The following TRIO variants were observed in gnomAD, a reference collection of about 807,000 sequenced individuals.
TRIO encodes the protein trio Rho guanine nucleotide exchange factor, also known as triple functional domain protein.
TRIO carries 58 observed loss-of-function variants against 351.9 expected under a neutral mutation model. That is an observed-to-expected ratio of 0.16 (90% CI 0.13 to 0.21). The LOEUF (loss-of-function observed/expected upper bound fraction) is 0.21, where lower values mean the gene tolerates loss of function less well. Ranked by LOEUF, TRIO falls within the 10% of genes least tolerant of loss-of-function variation. The probability of loss-of-function intolerance (pLI) is 1.00; values close to 1 mark genes in which losing one functional copy is unlikely to be tolerated. For synonymous variants in TRIO, 1,758 were observed against 1,595.7 expected, an observed-to-expected ratio of 1.10 and a Z score of -2.42; for missense variants, 3,201 against 4,027.8, an observed-to-expected ratio of 0.79 and a Z score of 5.56.
Position 14,507,159 on chromosome 5 carries a change from T to A in TRIO, c.8650T>A (p.Trp2884Arg). ...TCGCCTCCTGGACTGCGTGGTGCGATGGGGAAGCCTCACTGAAGGGAAGAT... is the reference window on the plus strand; with the variant it reads ...TCGCCTCCTGGACTGCGTGGTGCGAAGGGGAAGCCTCACTGAAGGGAAGAT... ...QGRLLDCVVR[W>R]GSLTEGKIRA... The change falls in exon 56 of 57, where the codon TGG becomes AGG. Residue 2884 changes from tryptophan (W) to arginine (R), a missense_variant. Coordinates refer to ENST00000344204, the MANE Select transcript of TRIO (RefSeq NM_007118.4). 3.1e-6 allele frequency: 5 copies of A among 1,612,110 alleles called. No individual in the cohort carries two copies. The highest frequency in any genetic ancestry group is 4.2e-6 in the Non-Finnish European group (5 of 1,179,542).
intron 1 of TRIO, among the ~76,000 whole-genome samples, chr5:14,164,686 A>G (rs541494208): frequency 1.3e-5 from 2 of 152,260 alleles, no homozygotes; most frequent in African/African-American, 4.8e-5. Context: ...GGAAATGTAA[A>G]CTTTTACCTT....
intron 9 of TRIO, among the ~76,000 whole-genome samples, chr5:14,326,883 G>C (rs954883097): frequency 6.6e-6 from 1 of 152,166 alleles, no homozygotes; most frequent in Non-Finnish European, 1.5e-5. Context: ...GCCTCATGGG[G>C]AGTTTGGTTT....
chr5:14,326,240 G>C (rs1740370762), intron 9 of TRIO, among the ~76,000 whole-genome samples: 1 of 152,224 alleles, frequency 6.6e-6, no homozygotes, highest in African/African-American at 2.4e-5. Flanking sequence ...CAGGTGCTCA[G>C]ATGGCGAGAT....
rs188531618 is a variant in TRIO, at chr5:14,506,063, G to A, written c.8613-1059G>A. ...GAAGAGCCGAGCCGACATCCAAGCCGAGGCCTGGCCTGGGAGCCTCAGGAC... is the reference window on the plus strand; with the variant it reads ...GAAGAGCCGAGCCGACATCCAAGCCAAGGCCTGGCCTGGGAGCCTCAGGAC... On this transcript the variant is annotated intron_variant, in intron 55 of 56. Coordinates refer to ENST00000344204, the MANE Select transcript of TRIO (RefSeq NM_007118.4). Among the ~76,000 whole-genome samples the A allele has an allele frequency of 6.2e-3, 939 of 152,304 alleles. 10 individuals are homozygous for A. The highest frequency in any genetic ancestry group is 0.021 in the African/African-American group (886 of 41,582).
intron 2 of TRIO, among the ~76,000 whole-genome samples, chr5:14,274,347 G>T (rs1428912935): frequency 6.6e-6 from 1 of 152,156 alleles, no homozygotes; most frequent in Non-Finnish European, 1.5e-5. Flanking sequence ...ATTTCTTGCA[G>T]ACTAGGAGTT....
At chr5:14,435,549 T>G (rs1751512755) in intron 34 of TRIO, among the ~76,000 whole-genome samples, 1 of 152,264 alleles carries the variant, frequency 6.6e-6, no homozygotes, top group Non-Finnish European at 1.5e-5. Context: ...AATTTTGGCA[T>G]CCCTCAGTAG....
chr5:14,209,576 G>A (rs1248722327), intron 1 of TRIO, among the ~76,000 whole-genome samples: 1 of 152,164 alleles, frequency 6.6e-6, no homozygotes, highest in Non-Finnish European at 1.5e-5. Flanking sequence ...GTGGTTGATA[G>A]TGGGTCACTT....
At chr5:14,214,013 A>T (rs1792070065) in intron 1 of TRIO, among the ~76,000 whole-genome samples, 1 of 152,246 alleles carries the variant, frequency 6.6e-6, no homozygotes, top group Non-Finnish European at 1.5e-5. Context: ...TTAGTTAAAA[A>T]TTATCTTACC....
chr5:14,286,970 C>A lies in TRIO; in HGVS notation c.447C>A (p.Phe149Leu). Reference protein sequence around the residue: ...KPLLKILQESFPCCIHVALII... With the variant: ...KPLLKILQESLPCCIHVALII... ...TTCTGAAGATCCTGCAGGAGTCCTT[C>A]CCCTGCTGCATCCATGTGGCCCTGA... The change falls in exon 4 of 57, where the codon TTC becomes TTA. Residue 149 changes from phenylalanine (F) to leucine (L), a missense_variant. By Grantham distance (22) the Phe-to-Leu change is conservative. This residue lies in a region of TRIO where 30 missense variants were observed against 35.1 expected (regional missense o/e 0.85). Transcript: ENST00000344204. The surrounding 1 kb of genome is among the most constrained non-coding windows in gnomAD (Gnocchi z 4.4). 6.2e-7 allele frequency: 1 copy of A among 1,614,206 alleles called. No individual in the cohort carries two copies.
chr5:14,351,783 G>T (rs1010770463), intron 11 of TRIO, among the ~76,000 whole-genome samples: 1 of 152,202 alleles, frequency 6.6e-6, no homozygotes, highest in Admixed American at 6.5e-5. Flanking sequence ...TTTAGCCTGG[G>T]TTCAAACTGC....
At chr5:14,446,447 T>C (rs1238084916) in intron 34 of TRIO, among the ~76,000 whole-genome samples, 1 of 151,982 alleles carries the variant, frequency 6.6e-6, no homozygotes, top group Non-Finnish European at 1.5e-5. Flanking sequence ...AATGACAAAA[T>C]GGTGATTTGA....
Position 14,487,885 on chromosome 5 carries a change from G to T in TRIO, c.7257G>T (p.Arg2419Ser). The T allele has an allele frequency of 2.6e-6, 4 of 1,540,812 alleles. No individual in the cohort carries two copies. The highest frequency in any genetic ancestry group is 3.5e-6 in the Non-Finnish European group (4 of 1,143,284). ...IPKMKVLESP[R>S]KGAANASGSS... The stretch of plus-strand genomic sequence containing the variant: ...AGATGAAGGTGCTGGAGAGCCCCAG[G>T]AAAGGCGCCGCGAACGCCTCGGGGT... Residue 2419 changes from arginine (R) to serine (S), a missense_variant, in exon 48 of 57, where the codon AGG (arginine) becomes AGT (serine). Around this residue, in one of 19 missense-constraint regions of TRIO, gnomAD observed 1,089 missense variants for 954.9 expected, o/e 1.14. Coordinates refer to ENST00000344204, the MANE Select transcript of TRIO (RefSeq NM_007118.4).
intron 2 of TRIO, among the ~76,000 whole-genome samples, chr5:14,279,353 C>T (rs1735794906): frequency 6.8e-6 from 1 of 147,846 alleles, no homozygotes. Flanking sequence ...AAAGAATCTT[C>T]TGGGTTTTTT....
Position 14,293,035 on chromosome 5 carries a change from C to T in TRIO, c.1077C>T (p.Asn359=). ...AGATGTTTGACTGGATCACACACAACAAAGGCCTGTTTCTAAACAGCTACA... is the reference window on the plus strand; with the variant it reads ...AGATGTTTGACTGGATCACACACAATAAAGGCCTGTTTCTAAACAGCTACA... The part of the protein sequence containing the change: ...AEKMFDWITH[N]KGLFLNSYTE... Residue 359 remains asparagine (N), a synonymous_variant, in exon 6 of 57, where the codon AAC becomes AAT. Coordinates refer to ENST00000344204, the MANE Select transcript of TRIO (RefSeq NM_007118.4). 1 of 1,614,142 alleles carries T rather than the reference C, an allele frequency of 6.2e-7. No individual in the cohort carries two copies. The highest frequency in any genetic ancestry group is 8.5e-7 in the Non-Finnish European group (1 of 1,180,012).
chr5:14,479,888 A>G lies in TRIO; in HGVS notation c.6244-31A>G, dbSNP rs749132516. 6.2e-6 allele frequency: 10 copies of G among 1,609,760 alleles called. No individual in the cohort carries two copies. The African/African-American group carries it at 1.1e-4, about 17-fold the overall frequency. On this transcript the variant is annotated intron_variant, in intron 42 of 56. Coordinates refer to ENST00000344204, the MANE Select transcript of TRIO (RefSeq NM_007118.4). ...AAAATTGCCCTTTAATGAACAGCCC[A>G]TACGATCTTTTCTCTCTCTTAAAAC...
chr5:14,468,113 A>G (rs1485591899), intron 37 of TRIO, among the ~76,000 whole-genome samples: 2 of 152,010 alleles, frequency 1.3e-5, no homozygotes, highest in African/African-American at 4.8e-5. Context: ...GTGGTCTGTG[A>G]TTCATTTGTA....
chr5:14,442,677 G>T (rs1212540790), intron 34 of TRIO, among the ~76,000 whole-genome samples: 1 of 152,220 alleles, frequency 6.6e-6, no homozygotes, highest in Non-Finnish European at 1.5e-5. Flanking sequence ...AGCTGGGTAG[G>T]TCCCTCGGGG....
intron 30 of TRIO, among the ~76,000 whole-genome samples, chr5:14,400,570 C>T (rs914183111): frequency 6.6e-6 from 1 of 152,188 alleles, no homozygotes; most frequent in East Asian, 1.9e-4. Flanking sequence ...GAAGCTGTGT[C>T]ATTAATACTG....
chr5:14,399,603 C>T (rs1171100791), intron 30 of TRIO, among the ~76,000 whole-genome samples: 1 of 152,206 alleles, frequency 6.6e-6, no homozygotes, highest in Non-Finnish European at 1.5e-5. Context: ...ACAGCCCCAG[C>T]TATGTGGAGA....
Sources: gnomAD v4.1 joint callset for allele counts (sites outside exome capture counted in the v4.1 genomes callset) on GRCh38, gnomAD v4.1.1 for gene constraint, gnomAD v4.1.1 regional missense constraint, Gnocchi (gnomAD v3.1) non-coding constraint, MANE v1.5 for transcripts, NCBI Gene and HGNC (gene_info 2026-07-23, HGNC 2026-07-21) for gene names.